Variants in NOL10 observed in about 807,000 individuals in gnomAD.
NOL10 encodes the protein H_NH0074G24.1.
In NOL10, 58 loss-of-function variants were observed where a neutral mutation model predicts 103.5. The observed-to-expected ratio is 0.56, with a 90% confidence interval of 0.45 to 0.70. The LOEUF (loss-of-function observed/expected upper bound fraction) is 0.70. Ranked by LOEUF, NOL10 falls within the 30% of genes least tolerant of loss-of-function variation. NOL10 has a pLI of 0.00. For synonymous variants in NOL10, 287 were observed against 282.5 expected (o/e 1.02, Z -0.16); for missense variants, 763 against 807.3 (o/e 0.95, Z 0.67).
chr2:10,589,187 AGT>A lies in NOL10; in HGVS notation c.1698_1699del (p.Arg566SerfsTer28), dbSNP rs1443273781. ...CTTCACTTTTTCCTCCTGCTGGAGG[AGT>A]CTGCGTTGCTTCCTGACCTCTTCAA... On this transcript the variant is annotated frameshift_variant, in exon 19 of 21. Transcript: ENST00000381685. LOFTEE classifies it high-confidence loss of function. 2.4e-5 allele frequency: 38 copies of A among 1,613,936 alleles called. No individual in the cohort carries two copies. The highest frequency in any genetic ancestry group is 2.8e-5 in the Non-Finnish European group (33 of 1,179,876).
intron 13 of NOL10, among the ~76,000 whole-genome samples, chr2:10,613,001 T>TA (rs71392245): frequency 0.29 from 40,042 of 137,716 alleles, 8,016 homozygotes; most frequent in African/African-American, 0.56. Context: ...AAGACCCTGT[T>TA]AAAAAAAAAA....
intron 10 of NOL10, among the ~76,000 whole-genome samples, chr2:10,658,476 C>T (rs1256455474): frequency 6.6e-6 from 1 of 152,034 alleles, no homozygotes; most frequent in Non-Finnish European, 1.5e-5. Context: ...ACAGGCTCTG[C>T]CTTGAAGGAA....
At chr2:10,638,300 A>ACGTG (rs1558311089) in intron 13 of NOL10, among the ~76,000 whole-genome samples, 4 of 87,192 alleles carry the variant, frequency 4.6e-5, no homozygotes, top group South Asian at 3.4e-4. Flanking sequence ...AAAATAACGT[A>ACGTG]ACGTGACGTG....
chr2:10,666,130 C>A (rs1185929941), intron 8 of NOL10, among the ~76,000 whole-genome samples: 2 of 152,174 alleles, frequency 1.3e-5, no homozygotes, highest in African/African-American at 4.8e-5. Flanking sequence ...TAAGTGAGAA[C>A]ACGCAGTATT....
intron 13 of NOL10, among the ~76,000 whole-genome samples, chr2:10,612,074 G>A (rs1400978776): frequency 1.3e-5 from 2 of 152,148 alleles, no homozygotes; most frequent in East Asian, 1.9e-4. Flanking sequence ...AGTGAGCTAT[G>A]ATGGTGCCAC....
At chr2:10,655,178 G>T (rs1321095409) in intron 11 of NOL10, among the ~76,000 whole-genome samples, 2 of 150,354 alleles carry the variant, frequency 1.3e-5, no homozygotes, top group Non-Finnish European at 2.9e-5. Context: ...CTGCACTCCA[G>T]CCTGGGGCGA....
chr2:10,624,789 T>C (rs968219864), intron 13 of NOL10, among the ~76,000 whole-genome samples: 1 of 151,924 alleles, frequency 6.6e-6, no homozygotes, highest in African/African-American at 2.4e-5. Context: ...ACAAACAAGG[T>C]GAAAACTTAT....
In NOL10 at chr2:10,571,455, A is replaced by G. The variant is rs1199717959; in HGVS notation, c.*616T>C. On this transcript the variant is annotated 3_prime_UTR_variant, in exon 21 of 21. Coordinates refer to ENST00000381685, the MANE Select transcript of NOL10 (RefSeq NM_024894.4). The stretch of plus-strand genomic sequence containing the variant: ...GGTAGTTCTTTATAGCAGTGCAAGA[A>G]CAGATAAATACAGTGCTCAAACAGT... The G allele has an allele frequency of 6.6e-6, 1 of 152,334 alleles. No individual in the cohort carries two copies. The highest frequency in any genetic ancestry group is 6.5e-5 in the Admixed American group (1 of 15,282). The allele number at this position is 152,334 out of a possible 1,614,324, so 9.4% of individuals were successfully genotyped here. A position where few individuals can be genotyped will look rare whatever the true frequency, so the allele number is the denominator to read the frequency against.
At chr2:10,669,800 G>C (rs1680811568) in intron 6 of NOL10, among the ~76,000 whole-genome samples, 1 of 151,920 alleles carries the variant, frequency 6.6e-6, no homozygotes, top group Non-Finnish European at 1.5e-5. Flanking sequence ...GATGGGGCAG[G>C]AGAATCGCTT....
chr2:10,688,887 C>T (rs114704751), intron 1 of NOL10, among the ~76,000 whole-genome samples: 5,242 of 152,252 alleles, frequency 0.034, 175 homozygotes, highest in African/African-American at 0.084. Context: ...AAGGAAAAAC[C>T]TAAGCACTGG....
chr2:10,621,625 C>A (rs1269198834), intron 13 of NOL10, among the ~76,000 whole-genome samples: 2 of 151,992 alleles, frequency 1.3e-5, no homozygotes, highest in South Asian at 4.1e-4. Flanking sequence ...TAACTTTGGG[C>A]TTCTAGGCAA....
intron 8 of NOL10, among the ~76,000 whole-genome samples, chr2:10,665,041 T>C (rs760220532): frequency 1.5e-4 from 23 of 152,248 alleles, no homozygotes; most frequent in Non-Finnish European, 2.8e-4. Context: ...TTGTTTAATA[T>C]ATTAACTACC....
chr2:10,681,330 T>G (rs770984592), intron 3 of NOL10, among the ~76,000 whole-genome samples: 4 of 151,884 alleles, frequency 2.6e-5, no homozygotes, highest in Non-Finnish European at 5.9e-5. Flanking sequence ...TGTATGAACC[T>G]CAAATACAAA....
intron 9 of NOL10, among the ~76,000 whole-genome samples, chr2:10,659,659 G>C (rs1191852822): frequency 1.3e-5 from 2 of 152,152 alleles, no homozygotes; most frequent in Non-Finnish European, 1.5e-5. Context: ...CTGCAGTGGA[G>C]CTCTGCTGGG....
At chr2:10,572,831 G>C (rs1325603761) in intron 20 of NOL10, among the ~76,000 whole-genome samples, 3 of 152,134 alleles carry the variant, frequency 2.0e-5, no homozygotes, top group Non-Finnish European at 4.4e-5. Flanking sequence ...TAACCATGTG[G>C]ACTCTCGGGC....
chr2:10,592,014 AC>A (rs1165638430), intron 17 of NOL10, among the ~76,000 whole-genome samples: 1 of 151,868 alleles, frequency 6.6e-6, no homozygotes, highest in African/African-American at 2.4e-5. Context: ...AAACAAACAA[AC>A]AAACAAACAA....
intron 11 of NOL10, 131 bp downstream of exon 11, chr2:10,657,611 C>A (rs373742135): frequency 1.1e-4 from 75 of 673,274 alleles, no homozygotes; most frequent in African/African-American, 1.0e-3. Flanking sequence ...AACTGACCTC[C>A]CGCTAAGTTC....
Position 10,685,502 on chromosome 2 carries a change from C to CAA in NOL10, c.67-891_67-890insTT, listed in dbSNP as rs1558360267. On this transcript the variant is annotated intron_variant, in intron 1 of 20. Transcript: ENST00000381685. ...GAGAGACTCCGTCCCCCCCCCCCCC[C>CAA]CCCCCGCCAAAAAAAAAGAAAAAAA... is the stretch of plus-strand genomic sequence containing the variant. Among the ~76,000 whole-genome samples, 6 of 14,142 alleles carry CAA rather than the reference C, an allele frequency of 4.2e-4. 2 individuals are homozygous for CAA. Among genetic ancestry groups the CAA allele is most frequent in the African/African-American group, 1.3e-3 (6 of 4,626 alleles). The allele number at this position is 14,142 out of a possible 152,430, so 9.3% of individuals were successfully genotyped here.
chr2:10,583,920 A>G (rs1674890868), intron 19 of NOL10, among the ~76,000 whole-genome samples: 1 of 150,966 alleles, frequency 6.6e-6, no homozygotes, highest in Admixed American at 6.6e-5. Flanking sequence ...CACTGCTTTT[A>G]TTACAAAAGT....
Sources: allele counts gnomAD v4.1 joint callset (sites outside exome capture counted in the v4.1 genomes callset), GRCh38; gene constraint gnomAD v4.1.1; transcripts MANE v1.5; gene names NCBI Gene and HGNC (gene_info 2026-07-23, HGNC 2026-07-21).